Variants in ANKRD16 observed in about 807,000 individuals in gnomAD.
ANKRD16 encodes the protein ankyrin repeat domain 16, also known as ankyrin repeat domain-containing protein 16.
A neutral mutation model predicts 37.9 loss-of-function variants in ANKRD16; 35 were observed. That is an observed-to-expected ratio of 0.92 (90% CI 0.71 to 1.23). The LOEUF (loss-of-function observed/expected upper bound fraction) is 1.23. Ranked by LOEUF, ANKRD16 falls within the 50% of genes most tolerant of loss-of-function variation. The pLI is 0.00. For missense variants in ANKRD16, 480 were observed against 469.9 expected (o/e 1.02, Z -0.20); for synonymous variants, 206 against 197.2 (o/e 1.04, Z -0.37).
At position 5,874,607 on chromosome 10, in the gene ANKRD16, GAGCTGTGATGCCACC is replaced by G. The variant is rs1338707393; in HGVS notation, c.*33+3475_*33+3489del. 6.6e-6 allele frequency among the ~76,000 whole-genome samples: 1 copy of G among 152,206 alleles called. No homozygotes were observed. Among genetic ancestry groups the G allele is most frequent in the African/African-American group, 2.4e-5 (1 of 41,452 alleles). On this transcript the variant is annotated intron_variant, in intron 7 of 7. Coordinates refer to ENST00000380094, the MANE Select transcript of ANKRD16 (RefSeq NM_019046.3). This position sits in a 1 kb window ranked among gnomAD's most constrained non-coding sequence, Gnocchi z 4.7. The stretch of plus-strand genomic sequence containing the variant: ...CCCAGCTTTCCAACACAGGTTGGGT[GAGCTGTGATGCCACC>G]AACCAAGGCAGGAATGCAGGCCTGT...
intron 7 of ANKRD16, among the ~76,000 whole-genome samples, chr10:5,872,052 T>A (rs534269065): frequency 6.6e-6 from 1 of 152,168 alleles, no homozygotes; most frequent in Non-Finnish European, 1.5e-5. Context: ...TCTGTCTACA[T>A]CTTAAAAAAA....
Position 5,862,819 on chromosome 10 carries a change from T to C in ANKRD16, c.*34-128A>G. Reference sequence around the variant, plus strand: ...GGCTACAGGGCCTGGCTCTACATGCTGCACAGTCAGAGAGGGAGAGTCCCA... The same window carrying C: ...GGCTACAGGGCCTGGCTCTACATGCCGCACAGTCAGAGAGGGAGAGTCCCA... On this transcript the variant is annotated intron_variant, in intron 7 of 7. Transcript: ENST00000380094. This position sits in a 1 kb window ranked among gnomAD's most constrained non-coding sequence, Gnocchi z 6.5. The C allele has an allele frequency of 1.9e-6, 1 of 517,036 alleles. No individual in the cohort carries two copies. The highest frequency in any genetic ancestry group is 3.4e-6 in the Non-Finnish European group (1 of 295,576). 32.0% of individuals were successfully genotyped at this position (517,036 alleles called of 1,614,324 possible).
intron 6 of ANKRD16, among the ~76,000 whole-genome samples, chr10:5,879,127 T>C (rs1312782758): frequency 6.6e-6 from 1 of 152,142 alleles, no homozygotes; most frequent in Non-Finnish European, 1.5e-5. Flanking sequence ...GCAGCTGCCC[T>C]TTCCAGCCCT....
At chr10:5,888,107 G>T in intron 1 of ANKRD16, 40 bp from the exon 2 acceptor site, 1 of 1,580,690 alleles carries the variant, frequency 6.3e-7, no homozygotes, top group South Asian at 1.1e-5. Context: ...GGAGGCAGCT[G>T]AGACATTAGA....
chr10:5,863,839 T>C lies in ANKRD16; in HGVS notation c.*34-1148A>G, dbSNP rs1841976107. Among the ~76,000 whole-genome samples, 1 of 152,118 alleles carries C rather than the reference T, an allele frequency of 6.6e-6. No homozygotes were observed. Reference sequence around the variant, plus strand: ...TAACACTCACTGCGAGGTCCACGGCTTCATTGTTGAAGTCAGTGAGACCAA... The same window carrying C: ...TAACACTCACTGCGAGGTCCACGGCCTCATTGTTGAAGTCAGTGAGACCAA... On this transcript the variant is annotated intron_variant, in intron 7 of 7. Transcript: ENST00000380094. This position sits in a 1 kb window ranked among gnomAD's most constrained non-coding sequence, Gnocchi z 4.7.
In ANKRD16 at chr10:5,871,334, C is replaced by T. The variant is rs1842086491; in HGVS notation, c.*33+6763G>A. 6.6e-6 allele frequency among the ~76,000 whole-genome samples: 1 copy of T among 152,020 alleles called. No individual in the cohort carries two copies. The highest frequency in any genetic ancestry group is 1.5e-5 in the Non-Finnish European group (1 of 68,022). The stretch of plus-strand genomic sequence containing the variant: ...CCCGGGAGGCAGAGGTTGCTGTGAG[C>T]CGAGATTGAGCCATTGCACTCTAGC... On this transcript the variant is annotated intron_variant, in intron 7 of 7. Coordinates refer to ENST00000380094, the MANE Select transcript of ANKRD16 (RefSeq NM_019046.3). The surrounding 1 kb of genome is among the most constrained non-coding windows in gnomAD (Gnocchi z 4.5).
intron 7 of ANKRD16, among the ~76,000 whole-genome samples, chr10:5,872,623 C>T (rs533039381): frequency 6.6e-6 from 1 of 152,074 alleles, no homozygotes; most frequent in Admixed American, 6.5e-5. Flanking sequence ...GTGGCGCGAT[C>T]TCAGCTCACT....
At chr10:5,888,991 C>CAGG in intron 1 of ANKRD16, 50 bp downstream of exon 1, 1 of 1,466,682 alleles carries the variant, frequency 6.8e-7, no homozygotes, top group South Asian at 1.3e-5. Flanking sequence ...GAACTCGCTA[C>CAGG]GACTCTGCGA....
chr10:5,888,801 T>C (rs1842509216), intron 1 of ANKRD16, among the ~76,000 whole-genome samples: 2 of 152,204 alleles, frequency 1.3e-5, no homozygotes, highest in Admixed American at 6.5e-5. Context: ...TATTCCGTGC[T>C]CTAGAAAGGG....
At position 5,861,723 on chromosome 10, in the gene ANKRD16, G is replaced by A. The variant is rs1020621462; in HGVS notation, c.*1002C>T. 4.6e-5 allele frequency: 7 copies of A among 151,660 alleles called. No individual in the cohort carries two copies. Among genetic ancestry groups the A allele is most frequent in the Non-Finnish European group, 7.4e-5 (5 of 68,004 alleles). The allele number at this position is 151,660 out of a possible 1,614,324, so 9.4% of individuals were successfully genotyped here. On this transcript the variant is annotated 3_prime_UTR_variant, in exon 8 of 8. Coordinates refer to ENST00000380094, the MANE Select transcript of ANKRD16 (RefSeq NM_019046.3). ...TATTATTTACTACACATCAGACACG[G>A]TGTTAAGTGGCTTAGATGAAATGTC... is the stretch of plus-strand genomic sequence containing the variant.
At position 5,868,597 on chromosome 10, in the gene ANKRD16, G is replaced by C. The variant is rs1419250663; in HGVS notation, c.*34-5906C>G. On this transcript the variant is annotated intron_variant, in intron 7 of 7. Coordinates refer to ENST00000380094, the MANE Select transcript of ANKRD16 (RefSeq NM_019046.3). The surrounding 1 kb of genome is among the most constrained non-coding windows in gnomAD (Gnocchi z 4.9). ...AAAATGGACCAATCAGCAGGATGTG[G>C]GTGGGGACAAGTAAGGGAATAAAAG... 6.6e-6 allele frequency among the ~76,000 whole-genome samples: 1 copy of C among 152,160 alleles called. No homozygotes were observed. Among genetic ancestry groups the C allele is most frequent in the Admixed American group, 6.5e-5 (1 of 15,278 alleles).
chr10:5,884,203 C>T, intron 3 of ANKRD16, 126 bp from the exon 4 acceptor site: 1 of 675,806 alleles, frequency 1.5e-6, no homozygotes, highest in South Asian at 1.7e-5. Context: ...GGAGCTCTCT[C>T]TATTCTCCCC....
In ANKRD16 at chr10:5,865,264, G is replaced by A. The variant is rs1321667219; in HGVS notation, c.*34-2573C>T. Among the ~76,000 whole-genome samples the A allele has an allele frequency of 1.3e-5, 2 of 152,118 alleles. No homozygotes were observed. The highest frequency in any genetic ancestry group is 6.6e-5 in the Admixed American group (1 of 15,266). ...CCAACAAGAAACAAGCTGCCCCCTC[G>A]CCCATGTCCACTATGCCGAGGCAAT... On this transcript the variant is annotated intron_variant, in intron 7 of 7. Coordinates refer to ENST00000380094, the MANE Select transcript of ANKRD16 (RefSeq NM_019046.3). This position sits in a 1 kb window ranked among gnomAD's most constrained non-coding sequence, Gnocchi z 4.7.
At chr10:5,887,774 A>T in intron 2 of ANKRD16, 73 bp downstream of exon 2, 1 of 1,373,120 alleles carries the variant, frequency 7.3e-7, no homozygotes. Context: ...GACCTGAACA[A>T]GATGCGGTTG....
chr10:5,883,075 A>G lies in ANKRD16; in HGVS notation c.780T>C (p.Ser260=). 1 of 1,614,168 alleles carries G rather than the reference A, an allele frequency of 6.2e-7. No homozygotes were observed. ...TCACATCTACATCGACGCCAAGTTC[A>G]GAGACCAAGAATCGGATGGCTTCGT... ...GQDEAIRFLV[S]ELGVDVDVRA... Residue 260 remains serine (S), a synonymous_variant, in exon 5 of 8, where the codon TCT becomes TCC. Transcript: ENST00000380094.
chr10:5,883,019 T>A lies in ANKRD16; in HGVS notation c.836A>T (p.His279Leu). The A allele has an allele frequency of 2.5e-6, 4 of 1,613,696 alleles. No homozygotes were observed. The South Asian group carries it at 3.3e-5, about 13-fold the overall frequency. The change falls in exon 5 of 8, where the codon CAT becomes CTT. Residue 279 changes from histidine to leucine, a missense_variant. His to Leu is a moderately conservative substitution (Grantham distance 99). Coordinates refer to ENST00000380094, the MANE Select transcript of ANKRD16 (RefSeq NM_019046.3). ...GAAGTAACAAACCTTAGCTGCATAA[T>A]GAAGTGCTGTGAGGTGGGTTGATGT... The part of the protein sequence containing the change: ...RATSTHLTAL[H>L]YAAKEGHTST...
At chr10:5,880,206 G>T in intron 6 of ANKRD16, 92 bp downstream of exon 6, 22 of 268,134 alleles carry the variant, frequency 8.2e-5, no homozygotes, top group Non-Finnish European at 1.2e-4. Flanking sequence ...AAAAAAAAAG[G>T]AAGAATATTA....
In ANKRD16 at chr10:5,880,357, ATTGTAC is replaced by A. The variant is rs1205177937; in HGVS notation, c.863_868del (p.Ser288_Thr289del). On this transcript the variant is annotated inframe_deletion, in exon 6 of 8. Coordinates refer to ENST00000380094, the MANE Select transcript of ANKRD16 (RefSeq NM_019046.3). ...AGCTCCCAAGGATAAGAGAGTCTGA[ATTGTAC>A]TTGTATGTCCTTCCTGAATTGAAAC... is the stretch of plus-strand genomic sequence containing the variant. The A allele has an allele frequency of 6.2e-7, 1 of 1,605,266 alleles. No individual in the cohort carries two copies. The highest frequency in any genetic ancestry group is 1.3e-5 in the African/African-American group (1 of 74,480).
At position 5,871,771 on chromosome 10, in the gene ANKRD16, C is replaced by G. The variant is rs925889138; in HGVS notation, c.*33+6326G>C. On this transcript the variant is annotated intron_variant, in intron 7 of 7. Transcript: ENST00000380094. This position sits in a 1 kb window ranked among gnomAD's most constrained non-coding sequence, Gnocchi z 4.5. ...CACTCCCTCACCGCTGGCTTCCTCC[C>G]TCTGTGGGCTCCTTTCCCAGTCTGT... Among the ~76,000 whole-genome samples, 1 of 152,240 alleles carries G rather than the reference C, an allele frequency of 6.6e-6. No homozygotes were observed. The highest frequency in any genetic ancestry group is 1.5e-5 in the Non-Finnish European group (1 of 68,038).
Sources: allele counts gnomAD v4.1 joint callset (sites outside exome capture counted in the v4.1 genomes callset), GRCh38; gene constraint gnomAD v4.1.1; non-coding constraint Gnocchi (gnomAD v3.1); transcripts MANE v1.5; gene names NCBI Gene and HGNC (gene_info 2026-07-23, HGNC 2026-07-21).